POU6F2: variants seen among roughly 807,000 people sequenced by gnomAD.
POU6F2 encodes POU class 6 homeobox 2, also known as POU domain, class 6, transcription factor 2.
A neutral mutation model predicts 71.3 loss-of-function variants in POU6F2; 31 were observed. The ratio of observed to expected loss-of-function variants is 0.43; its 90% CI spans 0.33 to 0.59. The LOEUF is 0.59. Ranked by LOEUF, POU6F2 falls within the 20% of genes least tolerant of loss-of-function variation. The pLI is 0.04. For missense variants in POU6F2, 783 were observed against 856.8 expected, an observed-to-expected ratio of 0.91 and a Z score of 1.07; for synonymous variants, 347 against 355.7, an observed-to-expected ratio of 0.98 and a Z score of 0.27.
At position 39,467,536 on chromosome 7, in the gene POU6F2, A is replaced by G. The variant is rs1305365176; in HGVS notation, c.*2850A>G. 6.6e-6 allele frequency: 1 copy of G among 152,218 alleles called. No individual in the cohort carries two copies. Among genetic ancestry groups the G allele is most frequent in the Non-Finnish European group, 1.5e-5 (1 of 68,024 alleles). 9.4% of individuals were successfully genotyped at this position (152,218 alleles called of 1,614,324 possible). A position where few individuals can be genotyped will look rare whatever the true frequency, so the allele number is the denominator to read the frequency against. ...TCAGTATTTTTCTCACATAATTTTT[A>G]ATTATTGTTATCTGCATTTTCATTA... is the stretch of plus-strand genomic sequence containing the variant. On this transcript the variant is annotated 3_prime_UTR_variant, in exon 10 of 10. Coordinates refer to ENST00000518318, the MANE Select transcript of POU6F2 (RefSeq NM_001370959.1).
chr7:39,288,042 CAATT>C (rs1784682909), intron 4 of POU6F2, among the ~76,000 whole-genome samples: 1 of 152,146 alleles, frequency 6.6e-6, no homozygotes, highest in African/African-American at 2.4e-5. Flanking sequence ...TGGTTCGTAG[CAATT>C]AACACTATTT....
intron 2 of POU6F2, among the ~76,000 whole-genome samples, chr7:39,172,236 T>A (rs1021739029): frequency 2.6e-5 from 4 of 152,206 alleles, no homozygotes; most frequent in Non-Finnish European, 4.4e-5. Flanking sequence ...TTTTTTAGTA[T>A]CGTTGTAAAC....
rs150071017 is a variant in POU6F2 at position 39,339,864 on chromosome 7, C to A, written c.821C>A (p.Ala274Glu). 3 of 1,610,798 alleles carry A rather than the reference C, an allele frequency of 1.9e-6. No individual in the cohort carries two copies. The Middle Eastern group carries it at 5.0e-4, about 266-fold the overall frequency. ...GCTCCTACATCTCAGCTGCAACAGGCGCCTCAGCCCCAGCAGCACCAACCC... is the reference window on the plus strand; with the variant it reads ...GCTCCTACATCTCAGCTGCAACAGGAGCCTCAGCCCCAGCAGCACCAACCC... ...PPAPTSQLQQ[A>E]PQPQQHQPHS... is the part of the protein sequence containing the mutation. The change falls in exon 5 of 10, where the codon GCG becomes GAG. Residue 274 changes from alanine to glutamate, a missense_variant. Transcript: ENST00000518318.
In POU6F2 at chr7:39,008,355, C is replaced by G. The variant is rs1427209768; in HGVS notation, c.105+30297C>G. 5.7e-4 allele frequency among the ~76,000 whole-genome samples: 86 copies of G among 152,106 alleles called. 1 individual carries two copies. The highest frequency in any genetic ancestry group is 2.0e-3 in the African/African-American group (82 of 41,486). On this transcript the variant is annotated intron_variant, in intron 1 of 9. Coordinates refer to ENST00000518318, the MANE Select transcript of POU6F2 (RefSeq NM_001370959.1). The stretch of plus-strand genomic sequence containing the variant: ...GAGAAGTGTCTGTTCATGTCCTTCG[C>G]CCACTTTTTGATGGGGTTGTTTTTT...
At chr7:39,401,688 G>A (rs1377031475) in intron 5 of POU6F2, among the ~76,000 whole-genome samples, 2 of 152,138 alleles carry the variant, frequency 1.3e-5, no homozygotes, top group African/African-American at 2.4e-5. Context: ...AGGCATCCAC[G>A]GCCGAGTCAT....
intron 2 of POU6F2, among the ~76,000 whole-genome samples, chr7:39,145,515 C>A (rs1792601655): frequency 6.6e-6 from 1 of 152,204 alleles, no homozygotes; most frequent in South Asian, 2.1e-4. Flanking sequence ...AACCTTCTTA[C>A]TTCTAACCGG....
chr7:39,334,609 C>T (rs572040893), intron 4 of POU6F2, among the ~76,000 whole-genome samples: 6 of 152,250 alleles, frequency 3.9e-5, no homozygotes, highest in South Asian at 4.2e-4. Context: ...CTTTTCCCAT[C>T]GACTTTGCAA....
chr7:39,077,782 A>C (rs1371541763), intron 1 of POU6F2, among the ~76,000 whole-genome samples: 2 of 152,168 alleles, frequency 1.3e-5, no homozygotes, highest in Non-Finnish European at 2.9e-5. Context: ...CTGGACATTC[A>C]CCTTAACCAA....
intron 4 of POU6F2, among the ~76,000 whole-genome samples, chr7:39,236,156 C>T (rs1406429475): frequency 6.6e-6 from 1 of 152,094 alleles, no homozygotes; most frequent in African/African-American, 2.4e-5. Flanking sequence ...CTCAGAGAAC[C>T]ACGGAATTTT....
rs1202916686 is a variant in POU6F2 at position 39,467,888 on chromosome 7, T to G, written c.*3202T>G. The G allele has an allele frequency of 6.6e-6, 1 of 152,180 alleles. No individual in the cohort carries two copies. The highest frequency in any genetic ancestry group is 2.4e-5 in the African/African-American group (1 of 41,448). 9.4% of individuals were successfully genotyped at this position (152,180 alleles called of 1,614,324 possible). The stretch of plus-strand genomic sequence containing the variant: ...CCAAAGCTCAATATTTGTAGGTATA[T>G]GCACATTGTATAGATATGGCTAAAT... On this transcript the variant is annotated 3_prime_UTR_variant, in exon 10 of 10. Transcript: ENST00000518318.
At chr7:39,430,609 A>G (rs1384531992) in intron 6 of POU6F2, among the ~76,000 whole-genome samples, 1 of 152,218 alleles carries the variant, frequency 6.6e-6, no homozygotes, top group Non-Finnish European at 1.5e-5. Flanking sequence ...TCATTACTGC[A>G]GAGGTGAGCA....
chr7:39,158,523 G>A (rs541516707), intron 2 of POU6F2, among the ~76,000 whole-genome samples: 30 of 152,300 alleles, frequency 2.0e-4, no homozygotes, highest in African/African-American at 6.7e-4. Flanking sequence ...GGGATAACCA[G>A]GAAGGTCAGT....
At chr7:39,081,982 G>A (rs570561807) in intron 1 of POU6F2, among the ~76,000 whole-genome samples, 37 of 152,184 alleles carry the variant, frequency 2.4e-4, no homozygotes, top group Non-Finnish European at 4.3e-4. Flanking sequence ...CTGAGCCTCC[G>A]TCTCTTACCC....
In POU6F2 at chr7:39,085,944, G is replaced by C; in HGVS notation, c.190G>C (p.Ala64Pro). ...MNAELRGEDK[A>P]ATSDSELNEP... Reference sequence around the variant, plus strand: ...TGCGGAGTTGAGAGGTGAGGACAAGGCTGCTACTTCAGACAGCGAGCTGAA... The same window carrying C: ...TGCGGAGTTGAGAGGTGAGGACAAGCCTGCTACTTCAGACAGCGAGCTGAA... The change falls in exon 2 of 10, where the codon GCT becomes CCT. Residue 64 changes from alanine (A) to proline (P), a missense_variant. Transcript: ENST00000518318. 1 of 1,613,758 alleles carries C rather than the reference G, an allele frequency of 6.2e-7. No homozygotes were observed. The highest frequency in any genetic ancestry group is 8.5e-7 in the Non-Finnish European group (1 of 1,179,818).
chr7:39,337,114 G>A lies in POU6F2; in HGVS notation c.599-2528G>A, dbSNP rs548151472. 3.3e-5 allele frequency among the ~76,000 whole-genome samples: 5 copies of A among 152,238 alleles called. No homozygotes were observed. The South Asian group carries it at 1.0e-3, about 32-fold the overall frequency. ...TATGAGAAATTGTTTACAATTTACA[G>A]CTAATATATAGAAACTGAACAAATT... On this transcript the variant is annotated intron_variant, in intron 4 of 9. Coordinates refer to ENST00000518318, the MANE Select transcript of POU6F2 (RefSeq NM_001370959.1).
intron 1 of POU6F2, among the ~76,000 whole-genome samples, chr7:39,016,048 T>TATATATAATATATAG (rs1562671285): frequency 1.0e-4 from 5 of 49,078 alleles, no homozygotes; most frequent in Non-Finnish European, 1.2e-4. Flanking sequence ...TATTATATAT[T>TATATATAATATATAG]ATATATATTA....
chr7:39,340,204 A>G (rs1157593534), intron 5 of POU6F2, among the ~76,000 whole-genome samples, 189 bp downstream of exon 5: 1 of 152,232 alleles, frequency 6.6e-6, no homozygotes, highest in Non-Finnish European at 1.5e-5. Context: ...CATGTAAACG[A>G]AACAAATAGA....
intron 4 of POU6F2, among the ~76,000 whole-genome samples, chr7:39,251,504 T>A (rs545773228): frequency 1.2e-4 from 19 of 152,304 alleles, no homozygotes; most frequent in Admixed American, 7.8e-4. Context: ...ACTAAAAATC[T>A]GTGGAGAAAA....
At chr7:39,039,675 G>A (rs756080112) in intron 1 of POU6F2, among the ~76,000 whole-genome samples, 35 of 151,400 alleles carry the variant, frequency 2.3e-4, no homozygotes, top group African/African-American at 6.8e-4. Flanking sequence ...GTTGATAGTC[G>A]CAAATAAAAC....
Sources: allele counts gnomAD v4.1 joint callset (sites outside exome capture counted in the v4.1 genomes callset), GRCh38; gene constraint gnomAD v4.1.1; transcripts MANE v1.5; gene names NCBI Gene and HGNC (gene_info 2026-07-23, HGNC 2026-07-21).